ZZEF1: variants seen among roughly 807,000 people sequenced by gnomAD.
ZZEF1 encodes zinc finger ZZ-type and EF-hand domain-containing protein 1.
In ZZEF1, 157 loss-of-function variants were observed where a neutral mutation model predicts 342.8. The observed-to-expected ratio is 0.46, with a 90% CI of 0.40 to 0.52. The LOEUF is 0.52. Ranked by LOEUF, ZZEF1 falls within the 20% of genes least tolerant of loss-of-function variation. The probability of loss-of-function intolerance (pLI) is 0.00; values close to 1 mark genes in which losing one functional copy is unlikely to be tolerated. For synonymous variants in ZZEF1, 1,505 were observed against 1,429.1 expected (o/e 1.05, Z -1.20); for missense variants, 3,480 against 3,725.6 (o/e 0.93, Z 1.72).
chr17:4,107,996 C>T (rs375438593), intron 6 of ZZEF1, among the ~76,000 whole-genome samples: 1 of 152,182 alleles, frequency 6.6e-6, no homozygotes, highest in Admixed American at 6.5e-5. Flanking sequence ...CACCAGCCAA[C>T]TCCAGGATAA....
chr17:4,037,718 A>G (rs527451982), intron 39 of ZZEF1, among the ~76,000 whole-genome samples: 1 of 152,174 alleles, frequency 6.6e-6, no homozygotes, highest in South Asian at 2.1e-4. Flanking sequence ...CAAGTAGCTG[A>G]GACTATAGGT....
intron 16 of ZZEF1, 63 bp downstream of exon 16, chr17:4,085,607 A>G: frequency 6.2e-7 from 1 of 1,601,188 alleles, no homozygotes; most frequent in East Asian, 2.2e-5. Context: ...GAGGTAACAA[A>G]GCCTAGCAAA....
At chr17:4,099,773 T>C (rs1336295341) in intron 9 of ZZEF1, among the ~76,000 whole-genome samples, 5 of 152,186 alleles carry the variant, frequency 3.3e-5, no homozygotes, top group African/African-American at 1.2e-4. Context: ...CTCGAACTCC[T>C]GACCTCAGGT....
chr17:4,121,167 C>T (rs1567859631), intron 2 of ZZEF1, among the ~76,000 whole-genome samples: 1 of 152,212 alleles, frequency 6.6e-6, no homozygotes, highest in African/African-American at 2.4e-5. Flanking sequence ...TTGCCCAGCA[C>T]AACAGTACAC....
In ZZEF1 at chr17:4,016,480, G is replaced by A. The variant is rs2056104606; in HGVS notation, c.8002-14C>T. On this transcript the variant is annotated splice_polypyrimidine_tract_variant and intron_variant, in intron 48 of 54. Coordinates refer to ENST00000381638, the MANE Select transcript of ZZEF1 (RefSeq NM_015113.4). This position sits in a 1 kb window ranked among gnomAD's most constrained non-coding sequence, Gnocchi z 4.4. Reference sequence around the variant, plus strand: ...TTTCTGCAGGATCTGGTGGGAAGCAGACAGATAAGGTCAGGGCCTGCAAGT... The same window carrying A: ...TTTCTGCAGGATCTGGTGGGAAGCAAACAGATAAGGTCAGGGCCTGCAAGT... 1 of 1,602,956 alleles carries A rather than the reference G, an allele frequency of 6.2e-7. No individual in the cohort carries two copies. The highest frequency in any genetic ancestry group is 1.3e-5 in the African/African-American group (1 of 74,734).
chr17:4,104,492 G>T, intron 8 of ZZEF1, 141 bp downstream of exon 8: 2 of 858,580 alleles, frequency 2.3e-6, no homozygotes, highest in Non-Finnish European at 3.5e-6. Flanking sequence ...ATACTCAGAG[G>T]ATACGTTCAT....
In ZZEF1 at chr17:4,105,706, T is replaced by G; in HGVS notation, c.1381A>C (p.Ile461Leu). 4 of 1,612,710 alleles carry G rather than the reference T, an allele frequency of 2.5e-6. No individual in the cohort carries two copies. The highest frequency in any genetic ancestry group is 3.4e-6 in the Non-Finnish European group (4 of 1,179,056). The change falls in exon 7 of 55, where the codon ATA becomes CTA. Residue 461 changes from isoleucine (I) to leucine (L), a missense_variant. By Grantham distance (5) the Ile-to-Leu change is conservative (BLOSUM62 2). Around this residue, in one of 5 missense-constraint regions of ZZEF1, gnomAD observed 1,528 missense variants for 1,624.1 expected, o/e 0.94. Transcript: ENST00000381638. Reference sequence around the variant, plus strand: ...CCTTGATTTTACCTAGTTATCCTTATGAGGAAACTGTCCACTTCTTCCAGC... The same window carrying G: ...CCTTGATTTTACCTAGTTATCCTTAGGAGGAAACTGTCCACTTCTTCCAGC... ...NVLEEVDSFLIRITSCCSTPE... is the reference protein window; with the variant it reads ...NVLEEVDSFLLRITSCCSTPE...
intron 1 of ZZEF1, among the ~76,000 whole-genome samples, chr17:4,129,808 A>C (rs938976146): frequency 1.4e-4 from 21 of 152,268 alleles, no homozygotes; most frequent in African/African-American, 4.3e-4. Flanking sequence ...TATGGTACAT[A>C]TACACCATGG....
chr17:4,066,606 A>T (rs1308262896), intron 27 of ZZEF1, 66 bp from the exon 28 acceptor site: 12 of 1,408,834 alleles, frequency 8.5e-6, no homozygotes, highest in Non-Finnish European at 1.2e-5. Context: ...GCCATGGCAA[A>T]CTACTTCAAA....
Position 4,110,709 on chromosome 17 carries a change from C to CTT in ZZEF1, c.1067-848_1067-847dup, listed in dbSNP as rs1240075616. On this transcript the variant is annotated intron_variant, in intron 5 of 54. Coordinates refer to ENST00000381638, the MANE Select transcript of ZZEF1 (RefSeq NM_015113.4). The stretch of plus-strand genomic sequence containing the variant: ...AATGAGGGGTGGGTTAAAATTACGG[C>CTT]TTTTTTTTTTTTTTTTTTTGAGATG... 1.7e-3 allele frequency among the ~76,000 whole-genome samples: 214 copies of CTT among 126,998 alleles called. 2 individuals carry two copies. Among genetic ancestry groups the CTT allele is most frequent in the Middle Eastern group, 4.2e-3 (1 of 238 alleles). 83.3% of individuals were successfully genotyped at this position (126,998 alleles called of 152,430 possible).
At chr17:4,109,921 G>A (rs762683940) in intron 5 of ZZEF1, 58 bp from the exon 6 acceptor site, 35 of 1,566,872 alleles carry the variant, frequency 2.2e-5, no homozygotes, top group Non-Finnish European at 3.0e-5. Flanking sequence ...CAAATGCTGG[G>A]CTCCCAACTA....
chr17:4,142,954 C>T lies in ZZEF1; in HGVS notation c.-59G>A. On this transcript the variant is annotated 5_prime_UTR_variant, in exon 1 of 55. Coordinates refer to ENST00000381638, the MANE Select transcript of ZZEF1 (RefSeq NM_015113.4). ...CGCCGCCGCCGCCTCCCCGCCTCGACCTGTCAACCTCCGACAGCAGCTGGC... is the reference window on the plus strand; with the variant it reads ...CGCCGCCGCCGCCTCCCCGCCTCGATCTGTCAACCTCCGACAGCAGCTGGC... 8.5e-6 allele frequency: 11 copies of T among 1,299,300 alleles called. No individual in the cohort carries two copies. Among genetic ancestry groups the T allele is most frequent in the Non-Finnish European group, 1.1e-5 (11 of 1,027,782 alleles). The allele number at this position is 1,299,300 out of a possible 1,614,324, so 80.5% of individuals were successfully genotyped here.
At chr17:4,077,315 T>G (rs1288660604) in intron 19 of ZZEF1, among the ~76,000 whole-genome samples, 1 of 152,170 alleles carries the variant, frequency 6.6e-6, no homozygotes, top group African/African-American at 2.4e-5. Context: ...GTGCATTAGG[T>G]GTACCAATCT....
chr17:4,057,769 A>C (rs1364162794), intron 32 of ZZEF1, among the ~76,000 whole-genome samples: 1 of 152,160 alleles, frequency 6.6e-6, no homozygotes, highest in Non-Finnish European at 1.5e-5. Flanking sequence ...TCATCACAAC[A>C]AGCCTCGGAG....
intron 4 of ZZEF1, 138 bp from the exon 5 acceptor site, chr17:4,112,946 T>G: frequency 1.4e-6 from 1 of 716,912 alleles, no homozygotes; most frequent in Non-Finnish European, 2.2e-6. Flanking sequence ...CTTGAAATGC[T>G]GGCTATGAGT....
intron 9 of ZZEF1, among the ~76,000 whole-genome samples, chr17:4,099,401 T>C (rs1311732469): frequency 1.3e-5 from 2 of 152,060 alleles, no homozygotes; most frequent in East Asian, 3.9e-4. Context: ...ATTTCATTTT[T>C]TGTAGTGACT....
chr17:4,095,679 T>C lies in ZZEF1; in HGVS notation c.1913+152A>G. The C allele has an allele frequency of 8.1e-6, 6 of 739,580 alleles. No homozygotes were observed. In the South Asian group the frequency reaches 1.4e-4, roughly 18 times the overall value. 45.8% of individuals were successfully genotyped at this position (739,580 alleles called of 1,614,324 possible). Reference sequence around the variant, plus strand: ...CTTCAGATATGCTACTAGAAAGCAATGAAGGCTTATGGCCACTGAGATGGA... The same window carrying C: ...CTTCAGATATGCTACTAGAAAGCAACGAAGGCTTATGGCCACTGAGATGGA... On this transcript the variant is annotated intron_variant, in intron 11 of 54. Coordinates refer to ENST00000381638, the MANE Select transcript of ZZEF1 (RefSeq NM_015113.4).
At chr17:4,138,945 A>G (rs968225614) in intron 1 of ZZEF1, among the ~76,000 whole-genome samples, 3 of 151,938 alleles carry the variant, frequency 2.0e-5, no homozygotes, top group Non-Finnish European at 2.9e-5. Flanking sequence ...CTATAAAATG[A>G]TAATGTTTCA....
intron 35 of ZZEF1, among the ~76,000 whole-genome samples, chr17:4,051,538 A>G (rs1427862923): frequency 6.6e-6 from 1 of 152,072 alleles, no homozygotes; most frequent in Non-Finnish European, 1.5e-5. Flanking sequence ...CTCATGCCTT[A>G]GCCTCCCAAG....
Sources: gnomAD v4.1 joint callset for allele counts (sites outside exome capture counted in the v4.1 genomes callset) on GRCh38, gnomAD v4.1.1 for gene constraint, gnomAD v4.1.1 regional missense constraint, Gnocchi (gnomAD v3.1) non-coding constraint, MANE v1.5 for transcripts, NCBI Gene and HGNC (gene_info 2026-07-23, HGNC 2026-07-21) for gene names.